CDC42SE2: variants seen among roughly 807,000 people sequenced by gnomAD.
CDC42SE2 encodes the protein CDC42 small effector 2, also known as CDC42 small effector protein 2.
A neutral mutation model predicts 11.5 loss-of-function variants in CDC42SE2; 3 were observed. The ratio of observed to expected loss-of-function variants is 0.26; its 90% CI spans 0.12 to 0.67. CDC42SE2 has a LOEUF of 0.67. CDC42SE2 is among the 30% of genes least tolerant of loss of function. CDC42SE2 has a pLI of 0.80. For synonymous variants in CDC42SE2, 33 were observed against 34.8 expected, an observed-to-expected ratio of 0.95 and a Z score of 0.18; for missense variants, 82 against 106.8, an observed-to-expected ratio of 0.77 and a Z score of 1.02.
chr5:131,301,878 A>G (rs879568318), intron 1 of CDC42SE2, among the ~76,000 whole-genome samples: 12 of 152,024 alleles, frequency 7.9e-5, no homozygotes, highest in African/African-American at 1.4e-4. Context: ...TGATACCCCT[A>G]TTTTTTGAGG....
At chr5:131,312,299 G>A (rs946510616) in intron 1 of CDC42SE2, among the ~76,000 whole-genome samples, 1 of 152,134 alleles carries the variant, frequency 6.6e-6, no homozygotes, top group Non-Finnish European at 1.5e-5. Flanking sequence ...CAGTCTGCCC[G>A]TTCTCAGGTC....
intron 2 of CDC42SE2, among the ~76,000 whole-genome samples, chr5:131,338,361 T>G (rs906147154): frequency 6.6e-6 from 1 of 152,122 alleles, no homozygotes; most frequent in Non-Finnish European, 1.5e-5. Flanking sequence ...CAACTCTAGT[T>G]TTGTATTGTT....
intron 1 of CDC42SE2, among the ~76,000 whole-genome samples, chr5:131,248,381 G>A (rs1007389910): frequency 1.6e-4 from 24 of 151,602 alleles, no homozygotes; most frequent in Middle Eastern, 3.2e-3. Flanking sequence ...CTTGTGATCC[G>A]CCCATCTGGC....
the CDC42SE2 span, among the ~76,000 whole-genome samples, chr5:131,236,051 G>T: frequency 6.6e-6 from 1 of 152,152 alleles, no homozygotes; most frequent in African/African-American, 2.4e-5. Context: ...TTTGTGAACT[G>T]TCACTTCACA....
chr5:131,299,634 A>G (rs1390804100), intron 1 of CDC42SE2, among the ~76,000 whole-genome samples: 3 of 152,202 alleles, frequency 2.0e-5, no homozygotes, highest in African/African-American at 7.2e-5. Context: ...GCTGCACTAC[A>G]TGCAGCTGGG....
the CDC42SE2 span, among the ~76,000 whole-genome samples, chr5:131,223,999 C>T: frequency 1.3e-5 from 2 of 152,120 alleles, no homozygotes; most frequent in African/African-American, 4.8e-5. Context: ...CTGGTTGCAC[C>T]CTCTACACTT....
chr5:131,217,992 T>C, the CDC42SE2 span, among the ~76,000 whole-genome samples: 18 of 151,922 alleles, frequency 1.2e-4, no homozygotes, highest in Non-Finnish European at 2.4e-4. Flanking sequence ...CTGGGCAACA[T>C]GGCGAAACCC....
intron 2 of CDC42SE2, among the ~76,000 whole-genome samples, chr5:131,257,257 A>T (rs898569114): frequency 6.6e-6 from 1 of 151,946 alleles, no homozygotes; most frequent in Non-Finnish European, 1.5e-5. Flanking sequence ...TTTCTTTTTT[A>T]AAAAAATTAT....
chr5:131,252,887 T>C (rs916569212), intron 1 of CDC42SE2: 1 of 152,242 alleles, frequency 6.6e-6, no homozygotes, highest in Admixed American at 6.5e-5. Context: ...TCTGCTCTTT[T>C]AGGAATCCTT....
chr5:131,380,849 C>T (rs935708453), intron 3 of CDC42SE2, among the ~76,000 whole-genome samples: 1 of 152,170 alleles, frequency 6.6e-6, no homozygotes, highest in African/African-American at 2.4e-5. Context: ...AGAGTTGTCT[C>T]TGTTCTCTTT....
chr5:131,300,408 A>C (rs1214674622), intron 1 of CDC42SE2, among the ~76,000 whole-genome samples: 2 of 152,190 alleles, frequency 1.3e-5, no homozygotes, highest in African/African-American at 4.8e-5. Context: ...AAAAATCTTG[A>C]CAGTATTTTA....
intron 3 of CDC42SE2, among the ~76,000 whole-genome samples, chr5:131,367,591 G>A (rs1241331581): frequency 6.6e-6 from 1 of 152,188 alleles, no homozygotes; most frequent in African/African-American, 2.4e-5. Flanking sequence ...GTGAGGTTAA[G>A]CGAAGCACTT....
At chr5:131,250,179 T>A (rs906989361) in intron 1 of CDC42SE2, among the ~76,000 whole-genome samples, 1 of 152,090 alleles carries the variant, frequency 6.6e-6, no homozygotes, top group Non-Finnish European at 1.5e-5. Context: ...AAAAGGACAA[T>A]CATAGCTCCA....
the CDC42SE2 span, among the ~76,000 whole-genome samples, chr5:131,227,801 T>C: frequency 1.3e-5 from 2 of 152,210 alleles, no homozygotes; most frequent in Non-Finnish European, 2.9e-5. Context: ...TCTGAGCACT[T>C]TGGGAGGCCA....
chr5:131,333,745 C>G (rs1202135748), intron 2 of CDC42SE2, among the ~76,000 whole-genome samples: 1 of 152,028 alleles, frequency 6.6e-6, no homozygotes, highest in Admixed American at 6.6e-5. Context: ...AATGGGTGTT[C>G]ACTCATGATT....
the CDC42SE2 span, among the ~76,000 whole-genome samples, chr5:131,220,259 T>G: frequency 6.6e-6 from 1 of 152,116 alleles, no homozygotes; most frequent in Non-Finnish European, 1.5e-5. Context: ...CAGGCTGGAG[T>G]GCCGTGGCAC....
At position 131,391,668 on chromosome 5, in the gene CDC42SE2, T is replaced by A. The variant is rs1324018427; in HGVS notation, c.*577T>A. 6.6e-6 allele frequency: 1 copy of A among 152,208 alleles called. No homozygotes were observed. Among genetic ancestry groups the A allele is most frequent in the Non-Finnish European group, 1.5e-5 (1 of 68,042 alleles). 9.4% of individuals were successfully genotyped at this position (152,208 alleles called of 1,614,324 possible). A position where few individuals can be genotyped will look rare whatever the true frequency, so the allele number is the denominator to read the frequency against. ...GCCTGGGTGACAGAGCAAGACCCTG[T>A]CTCAAAAAAGTACTGATACTAAAGA... On this transcript the variant is annotated 3_prime_UTR_variant, in exon 5 of 5. Coordinates refer to ENST00000505065, the MANE Select transcript of CDC42SE2 (RefSeq NM_001375635.1).
chr5:131,237,529 T>C, the CDC42SE2 span, among the ~76,000 whole-genome samples: 4 of 152,268 alleles, frequency 2.6e-5, no homozygotes, highest in Non-Finnish European at 5.9e-5. Flanking sequence ...TTTTGTAGTA[T>C]CACTGTGATG....
At chr5:131,331,383 T>A (rs549671392) in intron 2 of CDC42SE2, among the ~76,000 whole-genome samples, 3 of 152,122 alleles carry the variant, frequency 2.0e-5, no homozygotes, top group Non-Finnish European at 4.4e-5. Flanking sequence ...TAAAATAACA[T>A]TGAAATAGAT....
Sources: allele counts gnomAD v4.1 joint callset (sites outside exome capture counted in the v4.1 genomes callset), GRCh38; gene constraint gnomAD v4.1.1; transcripts MANE v1.5; gene names NCBI Gene and HGNC (gene_info 2026-07-23, HGNC 2026-07-21).